PVT1: variants seen among roughly 807,000 people sequenced by gnomAD.
The protein encoded by PVT1 is CXCR4/PVT1 fusion.
At chr8:128,047,860 TTATAAA>T (rs1473979390) in intron 4 of PVT1, among the ~76,000 whole-genome samples, 41 of 152,186 alleles carry the variant, frequency 2.7e-4, no homozygotes, top group Non-Finnish European at 1.2e-4. Flanking sequence ...ACATCATATA[TTATAAA>T]TATATACAAT....
intron 4 of PVT1, among the ~76,000 whole-genome samples, chr8:128,051,554 T>G (rs1813695621): frequency 6.6e-6 from 1 of 152,224 alleles, no homozygotes; most frequent in Admixed American, 6.5e-5. Context: ...CTGCTTTTAT[T>G]CCTCCTCTTG....
rs148214881 is a variant in PVT1, at chr8:127,942,062, G to C, written n.783-47100G>C. On this transcript the variant is annotated intron_variant and non_coding_transcript_variant, in intron 3 of 10. Transcript: ENST00000651587. ...GTCCCAGGTCCCCAGGCCCACAGAT[G>C]TTGGGCCCTCAGAGTGTGATCCCAT... Among the ~76,000 whole-genome samples, 356 of 152,318 alleles carry C rather than the reference G, an allele frequency of 2.3e-3. 1 individual carries two copies. Among genetic ancestry groups the C allele is most frequent in the Non-Finnish European group, 3.5e-3 (241 of 68,028 alleles).
intron 2 of PVT1, among the ~76,000 whole-genome samples, chr8:127,879,598 G>A (rs1341045547): frequency 6.6e-6 from 1 of 152,156 alleles, no homozygotes; most frequent in African/African-American, 2.4e-5. Context: ...GCCTGGGCTC[G>A]TATCCTAGCT....
chr8:127,968,816 C>T (rs1263590664), intron 3 of PVT1, among the ~76,000 whole-genome samples: 1 of 152,086 alleles, frequency 6.6e-6, no homozygotes, highest in Non-Finnish European at 1.5e-5. Flanking sequence ...TACAGACACA[C>T]TCTGGGAGGA....
intron 2 of PVT1, among the ~76,000 whole-genome samples, chr8:127,864,249 G>C (rs1469573162): frequency 1.3e-5 from 2 of 152,144 alleles, no homozygotes; most frequent in African/African-American, 2.4e-5. Context: ...TGGGTGAGCA[G>C]GGATGAAGGA....
At position 127,808,076 on chromosome 8, in the gene PVT1, C is replaced by T. The variant is rs536346616; in HGVS notation, n.372+12005C>T. 2.2e-3 allele frequency among the ~76,000 whole-genome samples: 335 copies of T among 152,106 alleles called. 1 individual carries two copies. Among genetic ancestry groups the T allele is most frequent in the African/African-American group, 7.5e-3 (313 of 41,534 alleles). ...AGCCACCGGGCCCGGCTGAGACAGT[C>T]TTGCTCTGTCACCCAGGCTGGAATG... On this transcript the variant is annotated intron_variant and non_coding_transcript_variant, in intron 2 of 10. Coordinates refer to ENST00000651587, the Ensembl canonical transcript of PVT1.
chr8:127,983,014 G>T (rs1302105315), intron 3 of PVT1, among the ~76,000 whole-genome samples: 1 of 152,198 alleles, frequency 6.6e-6, no homozygotes, highest in African/African-American at 2.4e-5. Context: ...GGGCTCCCCT[G>T]AAGTTTGCAG....
chr8:127,847,924 G>C (rs1202430515), intron 2 of PVT1, among the ~76,000 whole-genome samples: 1 of 151,972 alleles, frequency 6.6e-6, no homozygotes, highest in African/African-American at 2.4e-5. Context: ...TCTTTTCAGA[G>C]ATAAGGTTTC....
intron 3 of PVT1, among the ~76,000 whole-genome samples, chr8:127,904,638 A>G (rs1447559437): frequency 6.6e-6 from 1 of 152,168 alleles, no homozygotes; most frequent in African/African-American, 2.4e-5. Context: ...GGCATCTCAC[A>G]CTCATGAAGT....
At chr8:127,875,622 C>A (rs73355300) in intron 2 of PVT1, among the ~76,000 whole-genome samples, 1,737 of 152,214 alleles carry the variant, frequency 0.011, 39 homozygotes, top group African/African-American at 0.04. Context: ...CGTGATATAG[C>A]GTGTACTCCT....
intron 3 of PVT1, among the ~76,000 whole-genome samples, chr8:127,974,241 T>C (rs1032303222): frequency 6.6e-6 from 1 of 152,286 alleles, no homozygotes; most frequent in African/African-American, 2.4e-5. Flanking sequence ...TGCCTACAGT[T>C]TCCATTCTCT....
At chr8:127,903,185 A>G (rs557053791) in intron 3 of PVT1, among the ~76,000 whole-genome samples, 11 of 152,294 alleles carry the variant, frequency 7.2e-5, no homozygotes, top group African/African-American at 2.6e-4. Flanking sequence ...TCCAATGACT[A>G]GTGATGTTGT....
chr8:127,865,685 C>G (rs1026999248), intron 2 of PVT1, among the ~76,000 whole-genome samples: 1 of 152,172 alleles, frequency 6.6e-6, no homozygotes, highest in African/African-American at 2.4e-5. Flanking sequence ...TCAGTGAGAC[C>G]CACTTTGAAC....
intron 3 of PVT1, among the ~76,000 whole-genome samples, chr8:127,975,854 G>T (rs1240822714): frequency 6.6e-6 from 1 of 152,198 alleles, no homozygotes; most frequent in Non-Finnish European, 1.5e-5. Context: ...TTGTGGGGCT[G>T]TTGTGTTTCT....
intron 3 of PVT1, among the ~76,000 whole-genome samples, chr8:127,910,856 A>T (rs909735401): frequency 6.6e-6 from 1 of 151,844 alleles, no homozygotes; most frequent in East Asian, 1.9e-4. Flanking sequence ...AGTTTGTGCT[A>T]TTAACCATTA....
chr8:127,832,673 A>G (rs1271306532), intron 2 of PVT1, among the ~76,000 whole-genome samples: 3 of 152,172 alleles, frequency 2.0e-5, no homozygotes, highest in East Asian at 3.9e-4. Context: ...CCTGGCTAAC[A>G]TGGTGAAACC....
chr8:127,850,235 C>G (rs980696661), intron 2 of PVT1, among the ~76,000 whole-genome samples: 3 of 152,120 alleles, frequency 2.0e-5, no homozygotes, highest in African/African-American at 7.2e-5. Flanking sequence ...GGTGTGCCTC[C>G]CTTTAAGAGG....
intron 3 of PVT1, among the ~76,000 whole-genome samples, chr8:127,937,580 C>CACAG (rs59006608): frequency 0.12 from 12,614 of 107,360 alleles, 866 homozygotes; most frequent in East Asian, 0.34. Context: ...CACACACACA[C>CACAG]AGAGAGAGAG....
chr8:127,826,014 CTTTT>C (rs57575268), intron 2 of PVT1, among the ~76,000 whole-genome samples: 15 of 89,696 alleles, frequency 1.7e-4, no homozygotes, highest in African/African-American at 4.6e-4. Flanking sequence ...CCATGCCCAG[CTTTT>C]TTTTTTTTTT....
Sources: allele counts gnomAD v4.1 joint callset (sites outside exome capture counted in the v4.1 genomes callset), GRCh38; gene constraint gnomAD v4.1.1; transcripts MANE v1.5; gene names NCBI Gene and HGNC (gene_info 2026-07-23, HGNC 2026-07-21).